The following CHN1 variants were observed in gnomAD, a reference collection of about 807,000 sequenced individuals.
CHN1 encodes chimerin 1, also known as N-chimaerin.
In CHN1, 37 loss-of-function variants were observed where a neutral mutation model predicts 59.5. The ratio of observed to expected loss-of-function variants is 0.62; its 90% CI spans 0.48 to 0.82. The LOEUF is 0.82. CHN1 is among the 40% of genes least tolerant of loss of function. The pLI, the probability that CHN1 is intolerant of heterozygous loss-of-function variation, is 0.00. For missense variants in CHN1, 469 were observed against 571.0 expected (o/e 0.82, Z 1.82); for synonymous variants, 206 against 200.4 (o/e 1.03, Z -0.24).
chr2:174,904,036 G>A (rs1688467113), intron 5 of CHN1, among the ~76,000 whole-genome samples: 1 of 152,166 alleles, frequency 6.6e-6, no homozygotes, highest in Admixed American at 6.6e-5. Flanking sequence ...GCTGAGGCAG[G>A]TGGATCACCT....
chr2:175,002,430 T>C (rs923236748), intron 1 of CHN1, among the ~76,000 whole-genome samples: 2 of 152,198 alleles, frequency 1.3e-5, no homozygotes, highest in Non-Finnish European at 2.9e-5. Context: ...TCAGCTTAAT[T>C]TAACAAGTAT....
At chr2:174,864,834 C>G (rs1687168462) in intron 6 of CHN1, among the ~76,000 whole-genome samples, 1 of 152,054 alleles carries the variant, frequency 6.6e-6, no homozygotes, top group South Asian at 2.1e-4. Context: ...TACTGTAGTC[C>G]AGCCTGGGTT....
chr2:174,971,211 G>A (rs1244819269), intron 1 of CHN1, among the ~76,000 whole-genome samples: 6 of 152,046 alleles, frequency 3.9e-5, no homozygotes, highest in South Asian at 2.1e-4. Flanking sequence ...CCAGCTACTC[G>A]GGAGGCTGAG....
intron 3 of CHN1, among the ~76,000 whole-genome samples, chr2:174,922,917 G>A (rs1305357891): frequency 1.3e-5 from 2 of 151,978 alleles, no homozygotes; most frequent in Non-Finnish European, 2.9e-5. Context: ...TTAGGAAAAA[G>A]CACATACACA....
At chr2:175,003,528 T>C (rs1691955569) in intron 1 of CHN1, among the ~76,000 whole-genome samples, 2 of 152,192 alleles carry the variant, frequency 1.3e-5, no homozygotes, top group African/African-American at 2.4e-5. Context: ...ACCTTGAAAA[T>C]GCCAAATATC....
At chr2:174,820,646 T>C (rs1685454218) in intron 8 of CHN1, among the ~76,000 whole-genome samples, 1 of 152,212 alleles carries the variant, frequency 6.6e-6, no homozygotes, top group African/African-American at 2.4e-5. Context: ...TGTAATGTAA[T>C]GATTAGCATT....
chr2:174,912,950 T>A (rs1204209918), intron 5 of CHN1, among the ~76,000 whole-genome samples: 2 of 152,160 alleles, frequency 1.3e-5, no homozygotes, highest in Non-Finnish European at 2.9e-5. Context: ...AACATTTCCA[T>A]CAAGATTTAC....
intron 7 of CHN1, chr2:174,837,382 C>G (rs1031272168): frequency 6.6e-5 from 10 of 152,140 alleles, no homozygotes; most frequent in African/African-American, 2.4e-4. Flanking sequence ...CTGATTTGGG[C>G]AAATCCATTC....
chr2:174,928,233 A>G (rs980802239), intron 3 of CHN1, among the ~76,000 whole-genome samples: 5 of 152,228 alleles, frequency 3.3e-5, no homozygotes, highest in African/African-American at 1.2e-4. Flanking sequence ...CTCGTGGCTT[A>G]GGAAAATAAT....
In CHN1 at chr2:174,799,960, A is replaced by G. The variant is rs1558927668; in HGVS notation, c.*156T>C. On this transcript the variant is annotated 3_prime_UTR_variant, in exon 13 of 13. Transcript: ENST00000409900. ...TGTTCACTGTTTTACAAGACAGCTG[A>G]GCGGTGCTACAAAAACAACAGAAAG... The G allele has an allele frequency of 5.5e-6, 4 of 727,974 alleles. No individual in the cohort carries two copies. Among genetic ancestry groups the G allele is most frequent in the Middle Eastern group, 3.6e-4 (1 of 2,780 alleles). The allele number at this position is 727,974 out of a possible 1,614,324, so 45.1% of individuals were successfully genotyped here. A position where few individuals can be genotyped will look rare whatever the true frequency, so the allele number is the denominator to read the frequency against.
intron 6 of CHN1, among the ~76,000 whole-genome samples, chr2:174,856,974 G>A (rs764905422): frequency 2.6e-5 from 4 of 151,938 alleles, no homozygotes; most frequent in Admixed American, 6.6e-5. Context: ...TTCCTTAAGC[G>A]GAGACAAAAA....
intron 7 of CHN1, among the ~76,000 whole-genome samples, chr2:174,825,136 T>C (rs1383428131): frequency 6.6e-6 from 1 of 152,238 alleles, no homozygotes; most frequent in Non-Finnish European, 1.5e-5. Context: ...CATTTCTATG[T>C]ACTATGCTAT....
intron 1 of CHN1, among the ~76,000 whole-genome samples, chr2:174,970,340 T>C (rs1690721460): frequency 6.6e-6 from 1 of 152,154 alleles, no homozygotes; most frequent in African/African-American, 2.4e-5. Context: ...CTATGACTAA[T>C]CAGACTTGGG....
intron 6 of CHN1, among the ~76,000 whole-genome samples, chr2:174,874,689 T>C (rs372402319): frequency 4.6e-5 from 7 of 152,144 alleles, no homozygotes; most frequent in African/African-American, 1.2e-4. Flanking sequence ...TAGGAAATTA[T>C]CTGGTTCAAA....
chr2:174,812,533 G>T, intron 8 of CHN1, 51 bp from the exon 9 acceptor site: 1 of 1,576,524 alleles, frequency 6.3e-7, no homozygotes. Context: ...TCAGAGTTTT[G>T]AGCATTCTGG....
intron 3 of CHN1, among the ~76,000 whole-genome samples, chr2:174,923,264 C>G (rs12987155): frequency 3.9e-5 from 6 of 152,124 alleles, no homozygotes; most frequent in Non-Finnish European, 7.4e-5. Flanking sequence ...CCTCAGCCTC[C>G]TGAGTAGCTG....
chr2:174,907,836 T>A (rs1382948086), intron 5 of CHN1, among the ~76,000 whole-genome samples: 1 of 152,130 alleles, frequency 6.6e-6, no homozygotes, highest in African/African-American at 2.4e-5. Context: ...CTATTCTGTA[T>A]AATAAATTTT....
At chr2:174,805,581 A>G (rs1558930386) in intron 11 of CHN1, among the ~76,000 whole-genome samples, 1 of 152,228 alleles carries the variant, frequency 6.6e-6, no homozygotes, top group African/African-American at 2.4e-5. Flanking sequence ...GATGGGAATC[A>G]GAGGAGAAAG....
chr2:174,863,808 G>T (rs1218650587), intron 6 of CHN1, among the ~76,000 whole-genome samples: 1 of 152,118 alleles, frequency 6.6e-6, no homozygotes, highest in Non-Finnish European at 1.5e-5. Flanking sequence ...GCTCCATGTT[G>T]ATTATACTGA....
Sources: allele counts gnomAD v4.1 joint callset (sites outside exome capture counted in the v4.1 genomes callset), GRCh38; gene constraint gnomAD v4.1.1; transcripts MANE v1.5; gene names NCBI Gene and HGNC (gene_info 2026-07-23, HGNC 2026-07-21).